ECHDC2: variants seen among roughly 807,000 people sequenced by gnomAD.
ECHDC2 encodes enoyl-CoA hydratase domain-containing protein 2, mitochondrial.
Under a neutral mutation model 40.6 loss-of-function variants are expected in ECHDC2, and 34 were observed. That is an observed-to-expected ratio of 0.84 (90% confidence interval 0.64 to 1.11). ECHDC2 has a LOEUF of 1.11. Among genes scored for constraint, ECHDC2 ranks in the 50% most tolerant of loss-of-function variants. The probability of loss-of-function intolerance (pLI) is 0.00; values close to 1 mark genes in which losing one functional copy is unlikely to be tolerated. For synonymous variants in ECHDC2, 162 were observed against 166.6 expected, an observed-to-expected ratio of 0.97 and a Z score of 0.21; for missense variants, 392 against 400.7, an observed-to-expected ratio of 0.98 and a Z score of 0.19.
chr1:52,911,472 G>T, intron 3 of ECHDC2, 94 bp downstream of exon 3: 2 of 1,214,830 alleles, frequency 1.6e-6, no homozygotes, highest in Non-Finnish European at 1.2e-6. Flanking sequence ...GCAACAATGA[G>T]TCCCATGCTG....
At chr1:52,913,604 T>A (rs1650039890) in intron 1 of ECHDC2, 1 of 152,192 alleles carries the variant, frequency 6.6e-6, no homozygotes, top group Non-Finnish European at 1.5e-5. Context: ...AATAGATGAT[T>A]TTCTTAGAGC....
chr1:52,904,642 A>G lies in ECHDC2; in HGVS notation c.702+4T>C. 6 of 1,578,622 alleles carry G rather than the reference A, an allele frequency of 3.8e-6. No homozygotes were observed. The highest frequency in any genetic ancestry group is 5.2e-6 in the Non-Finnish European group (6 of 1,160,578). Reference sequence around the variant, plus strand: ...CTCCTTCTGGTGCCGAGCTGTCACCACACCTGGGGCAGGATCTCCTGGGCC... The same window carrying G: ...CTCCTTCTGGTGCCGAGCTGTCACCGCACCTGGGGCAGGATCTCCTGGGCC... On this transcript the variant is annotated splice_donor_region_variant and intron_variant, in intron 7 of 9. Transcript: ENST00000371522.
chr1:52,906,545 G>A lies in ECHDC2; in HGVS notation c.431C>T (p.Ala144Val). The change falls in exon 5 of 10, where the codon GCC becomes GTC. Residue 144 changes from alanine to valine, a missense_variant. Ala to Val is a moderately conservative substitution (Grantham distance 64, BLOSUM62 0). Transcript: ENST00000371522. ...GFALGGGLEL[A>V]LACDLRVAAS... ...TGCCACTCGGAGGTCACAGGCCAGG[G>A]CAAGCTCTAGGCCTCCGCCCAAGGC... 1 of 1,612,360 alleles carries A rather than the reference G, an allele frequency of 6.2e-7. No individual in the cohort carries two copies. The highest frequency in any genetic ancestry group is 1.1e-5 in the South Asian group (1 of 90,866).
intron 1 of ECHDC2, chr1:52,912,127 C>A: frequency 1.1e-6 from 1 of 883,590 alleles, no homozygotes; most frequent in African/African-American, 1.7e-5. Context: ...AGCACACATG[C>A]ACCCATGTAC....
At chr1:52,918,167 G>C (rs1651111254) in intron 1 of ECHDC2, among the ~76,000 whole-genome samples, 1 of 152,092 alleles carries the variant, frequency 6.6e-6, no homozygotes, top group African/African-American at 2.4e-5. Context: ...GGGGCTACAG[G>C]TATGCACAAC....
chr1:52,916,017 G>C (rs768860786), intron 1 of ECHDC2, among the ~76,000 whole-genome samples: 6 of 152,142 alleles, frequency 3.9e-5, no homozygotes, highest in Non-Finnish European at 7.3e-5. Context: ...GTGAATTCAG[G>C]TCTCAGCAAC....
intron 7 of ECHDC2, among the ~76,000 whole-genome samples, chr1:52,903,352 G>A (rs1028825004): frequency 6.6e-6 from 1 of 152,038 alleles, no homozygotes; most frequent in African/African-American, 2.4e-5. Flanking sequence ...TTGGTGCACC[G>A]TACCCAACGT....
intron 7 of ECHDC2, chr1:52,899,641 T>G (rs1646864258): frequency 5.7e-6 from 1 of 174,460 alleles, no homozygotes; most frequent in Non-Finnish European, 1.2e-5. Flanking sequence ...CAATCATTGG[T>G]GAGACTTGGA....
intron 5 of ECHDC2, chr1:52,905,377 T>G: frequency 2.0e-6 from 1 of 503,274 alleles, no homozygotes; most frequent in Non-Finnish European, 3.6e-6. Context: ...CCCTCTTCTG[T>G]CTGCTTCAGA....
chr1:52,897,589 T>C lies in ECHDC2; in HGVS notation c.754-105A>G. The C allele has an allele frequency of 9.2e-6, 10 of 1,092,220 alleles. No homozygotes were observed. The South Asian group carries it at 1.3e-4, about 14-fold the overall frequency. 67.7% of individuals were successfully genotyped at this position (1,092,220 alleles called of 1,614,324 possible). On this transcript the variant is annotated intron_variant, in intron 8 of 9. Coordinates refer to ENST00000371522, the MANE Select transcript of ECHDC2 (RefSeq NM_001198961.2). ...CTACAGACATCTATATGAGCAGAGA[T>C]AGCTATGAGAAGGAATTTCCCTCCT...
intron 1 of ECHDC2, 175 bp downstream of exon 1, chr1:52,921,378 C>A: frequency 7.2e-7 from 1 of 1,384,050 alleles, no homozygotes; most frequent in Non-Finnish European, 9.4e-7. Context: ...GAGTCTGGAG[C>A]CACTAAGGCG....
intron 4 of ECHDC2, chr1:52,907,537 TA>T (rs1188846952): frequency 7.2e-6 from 2 of 276,620 alleles, no homozygotes; most frequent in African/African-American, 4.4e-5. Context: ...GAAGGACAAG[TA>T]AAAGTTCAAG....
chr1:52,908,025 A>T, intron 3 of ECHDC2, 71 bp from the exon 4 acceptor site: 1 of 1,461,082 alleles, frequency 6.8e-7, no homozygotes, highest in Non-Finnish European at 9.5e-7. Context: ...CGGTTAAAGG[A>T]TCCAGCAAAG....
At chr1:52,898,059 G>T in intron 8 of ECHDC2, 1 of 166,628 alleles carries the variant, frequency 6.0e-6, no homozygotes, top group East Asian at 1.6e-4. Flanking sequence ...CTGTGCCTTT[G>T]CCCATACTTT....
chr1:52,904,707 T>C lies in ECHDC2; in HGVS notation c.641A>G (p.Asn214Ser). The change falls in exon 7 of 10, where the codon AAC (asparagine) becomes AGC (serine). Residue 214 changes from asparagine to serine, a missense_variant. Asn to Ser is a conservative substitution (Grantham distance 46). Transcript: ENST00000371522. Reference sequence around the variant, plus strand: ...CTGGTAGGCGGCGTCCCCCTCCTCGTTCTGGGCCACAGCGTGATTCACCAG... The same window carrying C: ...CTGGTAGGCGGCGTCCCCCTCCTCGCTCTGGGCCACAGCGTGATTCACCAG... ...LGLVNHAVAQ[N>S]EEGDAAYQRA... 1 of 1,612,614 alleles carries C rather than the reference T, an allele frequency of 6.2e-7. No homozygotes were observed. The highest frequency in any genetic ancestry group is 8.5e-7 in the Non-Finnish European group (1 of 1,179,830).
chr1:52,900,315 G>C (rs2150037385), intron 7 of ECHDC2: 2 of 152,232 alleles, frequency 1.3e-5, no homozygotes, highest in South Asian at 4.1e-4. Context: ...CCACAGGAGA[G>C]CAATTTGGCA....
In ECHDC2 at chr1:52,914,781, TAAA is replaced by T. The variant is rs1650308650; in HGVS notation, c.122-2994_122-2992del. On this transcript the variant is annotated intron_variant, in intron 1 of 9. Transcript: ENST00000371522. The surrounding 1 kb of genome is among the most constrained non-coding windows in gnomAD (Gnocchi z 4.0). ...ACTAAGGCCTGCTAATCCAACCTCTTAAAGAGATCTCAGGCCTCTCAGCTCACA... is the reference window on the plus strand; with the variant it reads ...ACTAAGGCCTGCTAATCCAACCTCTTGAGATCTCAGGCCTCTCAGCTCACA... Among the ~76,000 whole-genome samples the T allele has an allele frequency of 6.6e-6, 1 of 152,104 alleles. No individual in the cohort carries two copies. The highest frequency in any genetic ancestry group is 2.4e-5 in the African/African-American group (1 of 41,396).
intron 3 of ECHDC2, among the ~76,000 whole-genome samples, chr1:52,908,951 A>AAAAG (rs1557500505): frequency 2.7e-5 from 4 of 150,556 alleles, no homozygotes; most frequent in African/African-American, 9.9e-5. Context: ...AAAAAAAAAA[A>AAAAG]AAAGGAAAAA....
rs1464383821 is a variant in ECHDC2 at position 52,904,652 on chromosome 1, C to T, written c.696G>A (p.Leu232=). 2 of 1,589,468 alleles carry T rather than the reference C, an allele frequency of 1.3e-6. No homozygotes were observed. Among genetic ancestry groups the T allele is most frequent in the South Asian group, 2.3e-5 (2 of 88,424 alleles). The change falls in exon 7 of 10, where the codon CTG becomes CTA. Residue 232 remains leucine, a synonymous_variant. Coordinates refer to ENST00000371522, the MANE Select transcript of ECHDC2 (RefSeq NM_001198961.2). The part of the protein sequence containing the change: ...QRARALAQEI[L]PQAPIAVRLG... ...TGCCGAGCTGTCACCACACCTGGGG[C>T]AGGATCTCCTGGGCCAGTGCTCGTG...
Sources: gnomAD v4.1 joint callset for allele counts (sites outside exome capture counted in the v4.1 genomes callset) on GRCh38, gnomAD v4.1.1 for gene constraint, Gnocchi (gnomAD v3.1) non-coding constraint, MANE v1.5 for transcripts, NCBI Gene and HGNC (gene_info 2026-07-23, HGNC 2026-07-21) for gene names.